Variants in ARID5A observed in about 807,000 individuals in gnomAD.
ARID5A encodes the protein AT-rich interactive domain-containing protein 5A.
A neutral mutation model predicts 30.5 loss-of-function variants in ARID5A; 14 were observed. The ratio of observed to expected loss-of-function variants is 0.46; its 90% CI spans 0.30 to 0.72. The LOEUF (loss-of-function observed/expected upper bound fraction) is 0.72, where lower values mean the gene tolerates loss of function less well. ARID5A is among the 30% of genes least tolerant of loss of function. ARID5A has a pLI of 0.07. For synonymous variants in ARID5A, 338 were observed against 340.4 expected (o/e 0.99, Z 0.08); for missense variants, 669 against 786.2 (o/e 0.85, Z 1.78).
rs920092987 is a variant in ARID5A at position 96,549,727 on chromosome 2, G to A, written c.260-26G>A. ...GTCCCCACCTCCCACAGAGACTGAC[G>A]GCCAGCCTGCTCTTCTCTCCCCCAG... On this transcript the variant is annotated intron_variant, in intron 3 of 6. Coordinates refer to ENST00000357485, the MANE Select transcript of ARID5A (RefSeq NM_212481.3). This position sits in a 1 kb window ranked among gnomAD's most constrained non-coding sequence, Gnocchi z 6.1. 3.0e-5 allele frequency: 49 copies of A among 1,613,790 alleles called. No homozygotes were observed. The highest frequency in any genetic ancestry group is 3.3e-4 in the Middle Eastern group (2 of 6,084).
rs1373041797 is a variant in ARID5A, at chr2:96,536,817, T to A, written c.-10T>A. 2 of 1,206,722 alleles carry A rather than the reference T, an allele frequency of 1.7e-6. No individual in the cohort carries two copies. Among genetic ancestry groups the A allele is most frequent in the Non-Finnish European group, 2.1e-6 (2 of 972,888 alleles). The allele number at this position is 1,206,722 out of a possible 1,614,324, so 74.8% of individuals were successfully genotyped here. ...GTCTCGGGGCGGGCGCCGCGGGACCTCTCCGGGCCATGGGTAAGCGGCTCT... is the reference window on the plus strand; with the variant it reads ...GTCTCGGGGCGGGCGCCGCGGGACCACTCCGGGCCATGGGTAAGCGGCTCT... On this transcript the variant is annotated 5_prime_UTR_variant, in exon 1 of 7. Transcript: ENST00000357485.
In ARID5A at chr2:96,539,861, T is replaced by A. The variant is rs1303015725; in HGVS notation, c.4+3031T>A. ...ATGTGCTGGGAAACTGCACATCTAC[T>A]TGGGGAAAGGGGACAAGTTTGCATC... On this transcript the variant is annotated intron_variant, in intron 1 of 6. Transcript: ENST00000357485. This position sits in a 1 kb window ranked among gnomAD's most constrained non-coding sequence, Gnocchi z 4.7. Among the ~76,000 whole-genome samples the A allele has an allele frequency of 6.6e-6, 1 of 152,176 alleles. No homozygotes were observed. Among genetic ancestry groups the A allele is most frequent in the Non-Finnish European group, 1.5e-5 (1 of 68,022 alleles).
rs764731807 is a variant in ARID5A, at chr2:96,552,428, C to G, written c.*115C>G. 1.3e-6 allele frequency: 2 copies of G among 1,559,712 alleles called. No homozygotes were observed. The highest frequency in any genetic ancestry group is 2.3e-5 in the South Asian group (2 of 85,832). On this transcript the variant is annotated 3_prime_UTR_variant, in exon 7 of 7. Transcript: ENST00000357485. The stretch of plus-strand genomic sequence containing the variant: ...CTACCCAGGACACCCGGGCCATGCC[C>G]CTGGCTGGGCAGCCTGGCACAAGTG...
intron 1 of ARID5A, 74 bp downstream of exon 1, chr2:96,536,904 G>T: frequency 2.5e-6 from 3 of 1,222,572 alleles, no homozygotes; most frequent in Non-Finnish European, 3.1e-6. Context: ...CCGGCGCCGG[G>T]TCCCCTCCAG....
Position 96,552,478 on chromosome 2 carries a change from G to A in ARID5A, c.*165G>A, listed in dbSNP as rs1250975035. The A allele has an allele frequency of 6.5e-7, 1 of 1,538,378 alleles. No homozygotes were observed. Among genetic ancestry groups the A allele is most frequent in the Non-Finnish European group, 8.7e-7 (1 of 1,147,000 alleles). On this transcript the variant is annotated 3_prime_UTR_variant, in exon 7 of 7. Transcript: ENST00000357485. The stretch of plus-strand genomic sequence containing the variant: ...GAAGAAGAAGGCAGTGGGAAAACTG[G>A]GTTTATCTCAAGGCAGCAGCCTGAG...
At position 96,549,713 on chromosome 2, in the gene ARID5A, C is replaced by T; in HGVS notation, c.260-40C>T. 1.9e-6 allele frequency: 3 copies of T among 1,613,768 alleles called. No individual in the cohort carries two copies. Among genetic ancestry groups the T allele is most frequent in the Non-Finnish European group, 1.7e-6 (2 of 1,179,868 alleles). ...AGGGGTGGCATGCTGTCCCCACCTC[C>T]CACAGAGACTGACGGCCAGCCTGCT... On this transcript the variant is annotated intron_variant, in intron 3 of 6. Transcript: ENST00000357485. The surrounding 1 kb of genome is among the most constrained non-coding windows in gnomAD (Gnocchi z 6.1).
In ARID5A at chr2:96,552,615, A is replaced by G. The variant is rs1165192182; in HGVS notation, c.*302A>G. On this transcript the variant is annotated 3_prime_UTR_variant, in exon 7 of 7. Coordinates refer to ENST00000357485, the MANE Select transcript of ARID5A (RefSeq NM_212481.3). ...GGTTGCCCACGGAAAATCCAATAAA[A>G]AGACACCAGTGTGAATCCACGTAGC... 2.1e-6 allele frequency: 3 copies of G among 1,421,216 alleles called. No individual in the cohort carries two copies. The highest frequency in any genetic ancestry group is 2.8e-6 in the Non-Finnish European group (3 of 1,082,138). 88.0% of individuals were successfully genotyped at this position (1,421,216 alleles called of 1,614,324 possible).
chr2:96,536,862 G>A, intron 1 of ARID5A, 32 bp downstream of exon 1: 1 of 1,225,852 alleles, frequency 8.2e-7, no homozygotes, highest in African/African-American at 1.6e-5. Flanking sequence ...CCCGGACAGG[G>A]GCTCGGCGGC....
intron 1 of ARID5A, among the ~76,000 whole-genome samples, chr2:96,543,226 C>T (rs924272826): frequency 6.6e-6 from 1 of 152,180 alleles, no homozygotes; most frequent in African/African-American, 2.4e-5. Flanking sequence ...ATCCTGGTCC[C>T]CCAGGGAGGC....
rs1409405831 is a variant in ARID5A at position 96,552,620 on chromosome 2, A to G, written c.*307A>G. On this transcript the variant is annotated 3_prime_UTR_variant, in exon 7 of 7. Transcript: ENST00000357485. ...CCCACGGAAAATCCAATAAAAAGAC[A>G]CCAGTGTGAATCCACGTAGCCCTGA... 2 of 1,411,234 alleles carry G rather than the reference A, an allele frequency of 1.4e-6. No individual in the cohort carries two copies. The highest frequency in any genetic ancestry group is 1.4e-5 in the African/African-American group (1 of 69,992). 87.4% of individuals were successfully genotyped at this position (1,411,234 alleles called of 1,614,324 possible).
chr2:96,541,557 C>T (rs2065845682), intron 1 of ARID5A, among the ~76,000 whole-genome samples: 1 of 152,154 alleles, frequency 6.6e-6, no homozygotes, highest in Non-Finnish European at 1.5e-5. Flanking sequence ...CATTTTACAC[C>T]ATTGGAGGAG....
At chr2:96,545,156 C>CTTTTTTTTTTTTTTTTTTTTTTTTTTT (rs35156624) in intron 1 of ARID5A, among the ~76,000 whole-genome samples, 2 of 116,338 alleles carry the variant, frequency 1.7e-5, no homozygotes, top group African/African-American at 3.2e-5. Context: ...TTTTCTTTTT[C>CTTTTTTTTTTTTTTTTTTTTTTTTTTT]TTTTTTTTTT....
chr2:96,552,341 G>C lies in ARID5A; in HGVS notation c.*28G>C. On this transcript the variant is annotated 3_prime_UTR_variant, in exon 7 of 7. Coordinates refer to ENST00000357485, the MANE Select transcript of ARID5A (RefSeq NM_212481.3). ...CAGCCCATGGTGTTGTGTACACTGT[G>C]GAGTCGACAGGGGCCTACAACAGGC... is the stretch of plus-strand genomic sequence containing the variant. 6.2e-7 allele frequency: 1 copy of C among 1,613,052 alleles called. No homozygotes were observed. The highest frequency in any genetic ancestry group is 8.5e-7 in the Non-Finnish European group (1 of 1,179,926).
At position 96,536,786 on chromosome 2, in the gene ARID5A, C is replaced by T. The variant is rs1007676583; in HGVS notation, c.-41C>T. 1 of 1,226,482 alleles carries T rather than the reference C, an allele frequency of 8.2e-7. No homozygotes were observed. The highest frequency in any genetic ancestry group is 1.0e-6 in the Non-Finnish European group (1 of 984,492). The allele number at this position is 1,226,482 out of a possible 1,614,324, so 76.0% of individuals were successfully genotyped here. On this transcript the variant is annotated 5_prime_UTR_variant, in exon 1 of 7. Coordinates refer to ENST00000357485, the MANE Select transcript of ARID5A (RefSeq NM_212481.3). ...AGCGCGGGGTCCGGACAGCCGCGCG[C>T]TGAGGGTCTCGGGGCGGGCGCCGCG... is the stretch of plus-strand genomic sequence containing the variant.
intron 1 of ARID5A, among the ~76,000 whole-genome samples, chr2:96,541,472 G>C (rs2065844649): frequency 1.3e-5 from 2 of 152,204 alleles, no homozygotes; most frequent in African/African-American, 4.8e-5. Flanking sequence ...TCCCACTGTG[G>C]ATGAGACAGA....
In ARID5A at chr2:96,549,040, G is replaced by A. The variant is rs937555280; in HGVS notation, c.121-281G>A. Among the ~76,000 whole-genome samples the A allele has an allele frequency of 1.3e-5, 2 of 152,168 alleles. No homozygotes were observed. On this transcript the variant is annotated intron_variant, in intron 2 of 6. Transcript: ENST00000357485. This position sits in a 1 kb window ranked among gnomAD's most constrained non-coding sequence, Gnocchi z 6.1. Reference sequence around the variant, plus strand: ...AGTGACCCTGGCCTGGAGAAGGCTGGGGACTGCTCTCGTGGCAGCCTCTGG... The same window carrying A: ...AGTGACCCTGGCCTGGAGAAGGCTGAGGACTGCTCTCGTGGCAGCCTCTGG...
At chr2:96,547,922 C>T (rs979863651) in intron 2 of ARID5A, among the ~76,000 whole-genome samples, 1 of 152,224 alleles carries the variant, frequency 6.6e-6, no homozygotes, top group Admixed American at 6.5e-5. Context: ...CAGTCGGCCC[C>T]GGCTTTCATT....
At chr2:96,541,833 C>A (rs763312877) in intron 1 of ARID5A, among the ~76,000 whole-genome samples, 2 of 152,220 alleles carry the variant, frequency 1.3e-5, no homozygotes, top group Non-Finnish European at 2.9e-5. Flanking sequence ...AGAATCTGCA[C>A]ACACAGGCTG....
Position 96,551,697 on chromosome 2 carries a change from G to A in ARID5A, c.1169G>A (p.Gly390Asp), listed in dbSNP as rs2104712494. The stretch of plus-strand genomic sequence containing the variant: ...GTGAAAGAGCCCCAGCTGGTGTGGG[G>A]CGGAGACGCTAACCGCCCTTCTGCG... ...LSVKEPQLVW[G>D]GDANRPSAFH... The change falls in exon 7 of 7, where the codon GGC (glycine) becomes GAC (aspartate). Residue 390 changes from glycine to aspartate, a missense_variant. Around this residue, in one of 4 missense-constraint regions of ARID5A, gnomAD observed 548 missense variants for 577.4 expected, o/e 0.95. Coordinates refer to ENST00000357485, the MANE Select transcript of ARID5A (RefSeq NM_212481.3). The A allele has an allele frequency of 1.3e-6, 2 of 1,521,212 alleles. No homozygotes were observed. Among genetic ancestry groups the A allele is most frequent in the East Asian group, 4.5e-5 (2 of 44,084 alleles). 94.2% of individuals were successfully genotyped at this position (1,521,212 alleles called of 1,614,324 possible). A position where few individuals can be genotyped will look rare whatever the true frequency, so the allele number is the denominator to read the frequency against.
Sources: allele counts gnomAD v4.1 joint callset (sites outside exome capture counted in the v4.1 genomes callset), GRCh38; gene constraint gnomAD v4.1.1; regional missense constraint gnomAD v4.1.1; non-coding constraint Gnocchi (gnomAD v3.1); transcripts MANE v1.5; gene names NCBI Gene and HGNC (gene_info 2026-07-23, HGNC 2026-07-21).